The following TEX26 variants were observed in gnomAD, a reference collection of about 807,000 sequenced individuals.
The protein encoded by TEX26 is testis-expressed protein 26.
A neutral mutation model predicts 35.3 loss-of-function variants in TEX26; 34 were observed. The ratio of observed to expected loss-of-function variants is 0.96; its 90% CI spans 0.73 to 1.28. TEX26 has a LOEUF of 1.28. Among genes scored for constraint, TEX26 ranks in the 50% most tolerant of loss-of-function variants. The probability of loss-of-function intolerance (pLI) is 0.00; values close to 1 mark genes in which losing one functional copy is unlikely to be tolerated. For synonymous variants in TEX26, 136 were observed against 111.8 expected (o/e 1.22, Z -1.36); for missense variants, 371 against 330.1 (o/e 1.12, Z -0.96).
At chr13:30,952,956 C>A in intron 3 of TEX26, 131 bp downstream of exon 3, 1 of 776,510 alleles carries the variant, frequency 1.3e-6, no homozygotes, top group Non-Finnish European at 2.0e-6. Flanking sequence ...TCTTTTTAGA[C>A]TATTTCCTGT....
intron 6 of TEX26, 28 bp downstream of exon 6, chr13:30,969,074 T>C: frequency 9.4e-6 from 15 of 1,595,874 alleles, no homozygotes; most frequent in Non-Finnish European, 1.3e-5. Flanking sequence ...TTCACACACT[T>C]ACAGATCACA....
chr13:30,934,263 A>G (rs1422305956), intron 1 of TEX26, among the ~76,000 whole-genome samples: 1 of 152,150 alleles, frequency 6.6e-6, no homozygotes, highest in African/African-American at 2.4e-5. Context: ...TTGGGCCTCT[A>G]ATGGCTACTC....
intron 1 of TEX26, chr13:30,937,114 G>A (rs1338775394): frequency 1.5e-5 from 7 of 471,038 alleles, no homozygotes; most frequent in Non-Finnish European, 1.9e-5. Context: ...TGCCTGATCT[G>A]TACAAAGGTA....
chr13:30,968,374 T>C lies in TEX26; in HGVS notation c.647-511T>C, dbSNP rs547583189. Among the ~76,000 whole-genome samples, 9 of 152,290 alleles carry C rather than the reference T, an allele frequency of 5.9e-5. 1 individual carries two copies. In the South Asian group the frequency reaches 1.9e-3, roughly 32 times the overall value. ...GAAGTCCGATCGTAGTTAATCTTTC[T>C]TAGATCCAGACAAGGGAAGGCCTTG... On this transcript the variant is annotated intron_variant, in intron 5 of 6. Coordinates refer to ENST00000380473, the MANE Select transcript of TEX26 (RefSeq NM_152325.3).
At position 30,974,785 on chromosome 13, in the gene TEX26, C is replaced by T. The variant is rs886783618; in HGVS notation, c.809-61C>T. 4.8e-6 allele frequency: 7 copies of T among 1,450,524 alleles called. No individual in the cohort carries two copies. The African/African-American group carries it at 1.0e-4, about 21-fold the overall frequency. 89.9% of individuals were successfully genotyped at this position (1,450,524 alleles called of 1,614,324 possible). A position where few individuals can be genotyped will look rare whatever the true frequency, so the allele number is the denominator to read the frequency against. The stretch of plus-strand genomic sequence containing the variant: ...TATTTTCTTCCTTCATAGAATTTCC[C>T]AATTTATCATTTAAATACTTACGTG... On this transcript the variant is annotated intron_variant, in intron 6 of 6. Coordinates refer to ENST00000380473, the MANE Select transcript of TEX26 (RefSeq NM_152325.3).
intron 4 of TEX26, among the ~76,000 whole-genome samples, chr13:30,964,418 C>T (rs1335495774): frequency 2.0e-5 from 3 of 152,184 alleles, no homozygotes; most frequent in Non-Finnish European, 4.4e-5. Flanking sequence ...TTTGTATTCA[C>T]GCTAATTGTC....
intron 2 of TEX26, among the ~76,000 whole-genome samples, chr13:30,950,482 A>G (rs576444331): frequency 6.6e-6 from 1 of 152,322 alleles, no homozygotes; most frequent in Non-Finnish European, 1.5e-5. Flanking sequence ...AGCTAATGGT[A>G]TGTCCCAGAG....
chr13:30,970,515 T>G (rs1404371130), intron 6 of TEX26, among the ~76,000 whole-genome samples: 3 of 152,154 alleles, frequency 2.0e-5, no homozygotes, highest in African/African-American at 7.2e-5. Context: ...CAAGCTCAAG[T>G]CAGCCTGCCT....
intron 2 of TEX26, among the ~76,000 whole-genome samples, chr13:30,948,440 T>C (rs1332817206): frequency 1.3e-5 from 2 of 152,210 alleles, no homozygotes; most frequent in African/African-American, 4.8e-5. Flanking sequence ...TTCTAACTGG[T>C]GTGAGATGGT....
intron 2 of TEX26, among the ~76,000 whole-genome samples, chr13:30,949,707 T>C (rs1046837431): frequency 6.6e-6 from 1 of 151,940 alleles, no homozygotes; most frequent in African/African-American, 2.4e-5. Context: ...GTTTGTGAAG[T>C]GAAGAGTATA....
chr13:30,936,675 A>T (rs1367408735), intron 1 of TEX26: 2 of 985,300 alleles, frequency 2.0e-6, no homozygotes, highest in African/African-American at 3.5e-5. Context: ...GGCCAGGTCA[A>T]GACTCTGTGT....
chr13:30,962,685 C>G (rs1341670216), intron 4 of TEX26, among the ~76,000 whole-genome samples: 1 of 152,234 alleles, frequency 6.6e-6, no homozygotes, highest in Non-Finnish European at 1.5e-5. Context: ...CTGAGGAGCA[C>G]TGAAATGTGC....
intron 6 of TEX26, chr13:30,973,317 A>G (rs1160658909): frequency 1.3e-5 from 2 of 152,242 alleles, no homozygotes; most frequent in Admixed American, 1.3e-4. Flanking sequence ...TTGAAGGTCT[A>G]CAACTGGGAA....
chr13:30,968,904 C>T lies in TEX26; in HGVS notation c.666C>T (p.Ser222=), dbSNP rs1954626701. 6.2e-7 allele frequency: 1 copy of T among 1,613,880 alleles called. No individual in the cohort carries two copies. The highest frequency in any genetic ancestry group is 2.2e-5 in the East Asian group (1 of 44,876). The change falls in exon 6 of 7, where the codon AGC becomes AGT. Residue 222 remains serine (S), a synonymous_variant. Transcript: ENST00000380473. ...SQGLVPSVLH[S]YLRNQEHTKK... is the part of the protein sequence containing the mutation. Reference sequence around the variant, plus strand: ...CTATAGTGCCTTCTGTGCTGCACAGCTACCTGAGGAACCAAGAGCACACAA... The same window carrying T: ...CTATAGTGCCTTCTGTGCTGCACAGTTACCTGAGGAACCAAGAGCACACAA...
At chr13:30,967,143 C>T (rs967866981) in intron 5 of TEX26, among the ~76,000 whole-genome samples, 2 of 152,108 alleles carry the variant, frequency 1.3e-5, no homozygotes, top group African/African-American at 4.8e-5. Context: ...TTAAAAATTC[C>T]GTGACCAAGC....
At chr13:30,969,165 T>TAAA in intron 6 of TEX26, 119 bp downstream of exon 6, 6 of 606,192 alleles carry the variant, frequency 9.9e-6, no homozygotes, top group Admixed American at 4.0e-5. Flanking sequence ...AAACATTGCC[T>TAAA]CAAAAAAAAA....
chr13:30,965,868 G>T (rs1954508008), intron 4 of TEX26, among the ~76,000 whole-genome samples: 1 of 152,016 alleles, frequency 6.6e-6, no homozygotes, highest in Non-Finnish European at 1.5e-5. Flanking sequence ...CACTAAAAAA[G>T]TCATTATCTG....
In TEX26 at chr13:30,932,778, T is replaced by C. The variant is rs745585799; in HGVS notation, c.61+2T>C. 3.1e-6 allele frequency: 5 copies of C among 1,613,916 alleles called. No individual in the cohort carries two copies. Among genetic ancestry groups the C allele is most frequent in the Non-Finnish European group, 4.2e-6 (5 of 1,179,962 alleles). ...TCTGCCACCACAACCTCCAGCCAAG[T>C]AAGACAGCAGACTCTGCCGGTCTGC... On this transcript the variant is annotated splice_donor_variant, in intron 1 of 6. Transcript: ENST00000380473. LOFTEE classifies it high-confidence loss of function.
chr13:30,961,464 C>T (rs904872294), intron 4 of TEX26, among the ~76,000 whole-genome samples: 14 of 152,216 alleles, frequency 9.2e-5, no homozygotes, highest in African/African-American at 3.4e-4. Flanking sequence ...CTATTATTCC[C>T]TGCTGCAGTC....
Sources: gnomAD v4.1 joint callset for allele counts (sites outside exome capture counted in the v4.1 genomes callset) on GRCh38, gnomAD v4.1.1 for gene constraint, MANE v1.5 for transcripts, NCBI Gene and HGNC (gene_info 2026-07-23, HGNC 2026-07-21) for gene names.